AGBL4: variants seen among roughly 807,000 people sequenced by gnomAD.
AGBL4 encodes AGBL carboxypeptidase 4.
In AGBL4, 58 loss-of-function variants were observed where a neutral mutation model predicts 66.4. The observed-to-expected ratio is 0.87, with a 90% confidence interval of 0.71 to 1.09. The LOEUF (loss-of-function observed/expected upper bound fraction) is 1.09. AGBL4 is among the 50% of genes least tolerant of loss of function. The pLI, the probability that AGBL4 is intolerant of heterozygous loss-of-function variation, is 0.00. For synonymous variants in AGBL4, 234 were observed against 222.9 expected (o/e 1.05, Z -0.44); for missense variants, 579 against 631.0 (o/e 0.92, Z 0.88).
intron 3 of AGBL4, among the ~76,000 whole-genome samples, chr1:49,317,780 C>A (rs1357675843): frequency 1.3e-5 from 2 of 151,976 alleles, no homozygotes; most frequent in Non-Finnish European, 2.9e-5. Flanking sequence ...AATCTAACAT[C>A]TTTAATACAG....
At chr1:48,605,658 T>A (rs745980381) in intron 9 of AGBL4, among the ~76,000 whole-genome samples, 4 of 152,222 alleles carry the variant, frequency 2.6e-5, no homozygotes, top group Non-Finnish European at 5.9e-5. Context: ...TTTTAATAGG[T>A]CCAACATCTA....
At chr1:49,937,167 A>G (rs952272926) in intron 1 of AGBL4, among the ~76,000 whole-genome samples, 3 of 152,152 alleles carry the variant, frequency 2.0e-5, no homozygotes, top group African/African-American at 7.2e-5. Flanking sequence ...AATGGAAAAC[A>G]AAAAAAGGCA....
intron 6 of AGBL4, among the ~76,000 whole-genome samples, chr1:48,690,468 AG>A (rs1357165574): frequency 6.6e-6 from 1 of 152,186 alleles, no homozygotes; most frequent in Non-Finnish European, 1.5e-5. Context: ...TGTCAGAGAA[AG>A]AAGGACCACT....
At chr1:49,597,621 T>G (rs1644875834) in intron 3 of AGBL4, among the ~76,000 whole-genome samples, 1 of 152,154 alleles carries the variant, frequency 6.6e-6, no homozygotes. Context: ...GCCAGCCCCC[T>G]CTCTCTGGAA....
chr1:48,865,574 G>T (rs1331490141), intron 6 of AGBL4, among the ~76,000 whole-genome samples: 1 of 151,964 alleles, frequency 6.6e-6, no homozygotes, highest in African/African-American at 2.4e-5. Flanking sequence ...CAATCCCAAA[G>T]CTGTCTAAAT....
intron 3 of AGBL4, among the ~76,000 whole-genome samples, chr1:49,553,469 G>A (rs932306090): frequency 6.6e-6 from 1 of 152,066 alleles, no homozygotes; most frequent in African/African-American, 2.4e-5. Flanking sequence ...AAGTTTCTAG[G>A]GTAGTCTATA....
chr1:49,363,865 C>T (rs77915342), intron 3 of AGBL4, among the ~76,000 whole-genome samples: 4,384 of 152,296 alleles, frequency 0.029, 78 homozygotes, highest in Middle Eastern at 0.085. Context: ...AGACATGATC[C>T]TTGCCCTCAA....
chr1:49,974,686 T>C (rs1299069217), intron 1 of AGBL4, among the ~76,000 whole-genome samples: 1 of 152,162 alleles, frequency 6.6e-6, no homozygotes, highest in African/African-American at 2.4e-5. Flanking sequence ...ATGACCCTAA[T>C]AGGATATCTC....
At chr1:48,629,369 G>A (rs890580377) in intron 9 of AGBL4, among the ~76,000 whole-genome samples, 14 of 152,114 alleles carry the variant, frequency 9.2e-5, no homozygotes, top group African/African-American at 2.9e-4. Context: ...GTAAGCTCTC[G>A]CCTGAAAGGT....
At chr1:50,011,773 C>G (rs971829690) in intron 1 of AGBL4, among the ~76,000 whole-genome samples, 2 of 152,166 alleles carry the variant, frequency 1.3e-5, no homozygotes, top group Non-Finnish European at 2.9e-5. Flanking sequence ...GTGAAATAAA[C>G]CAGGCACAGA....
intron 3 of AGBL4, among the ~76,000 whole-genome samples, chr1:49,382,505 G>C (rs1346606873): frequency 1.3e-5 from 2 of 151,976 alleles, no homozygotes; most frequent in Non-Finnish European, 2.9e-5. Context: ...GGAATAGAAG[G>C]AAGTTACCTC....
At chr1:49,849,078 C>T (rs1282227628) in intron 2 of AGBL4, among the ~76,000 whole-genome samples, 1 of 152,122 alleles carries the variant, frequency 6.6e-6, no homozygotes, top group Non-Finnish European at 1.5e-5. Context: ...AGCATAAACA[C>T]CTAATAAATA....
chr1:48,650,923 C>G (rs1229851538), intron 8 of AGBL4, among the ~76,000 whole-genome samples: 1 of 152,228 alleles, frequency 6.6e-6, no homozygotes, highest in East Asian at 1.9e-4. Context: ...TATTTGAACT[C>G]TGAATATTTC....
chr1:48,675,287 A>T (rs1197115459), intron 6 of AGBL4, among the ~76,000 whole-genome samples: 1 of 151,764 alleles, frequency 6.6e-6, no homozygotes, highest in Non-Finnish European at 1.5e-5. Context: ...CCCTCCCTAG[A>T]CCCCCTTGAC....
chr1:49,165,488 G>A (rs956519637), intron 4 of AGBL4, among the ~76,000 whole-genome samples: 5 of 152,118 alleles, frequency 3.3e-5, no homozygotes, highest in Admixed American at 2.6e-4. Context: ...TCAACTTTGG[G>A]AAGCTGTTGT....
rs141472064 is a variant in AGBL4 at position 48,836,475 on chromosome 1, C to T, written c.634+30716G>A. 7.4e-3 allele frequency among the ~76,000 whole-genome samples: 1,131 copies of T among 152,082 alleles called. 11 individuals carry two copies. The highest frequency in any genetic ancestry group is 0.029 in the South Asian group (140 of 4,810). On this transcript the variant is annotated intron_variant, in intron 6 of 13. Transcript: ENST00000371839. ...AAAACATACTTGCGGGAATGATACTCATGCCAGTAGCTTGATGATAAATAG... is the reference window on the plus strand; with the variant it reads ...AAAACATACTTGCGGGAATGATACTTATGCCAGTAGCTTGATGATAAATAG...
At chr1:49,502,667 G>A (rs1359838986) in intron 3 of AGBL4, among the ~76,000 whole-genome samples, 1 of 152,020 alleles carries the variant, frequency 6.6e-6, no homozygotes, top group Non-Finnish European at 1.5e-5. Flanking sequence ...AGACTGATGT[G>A]GATTCAGGTG....
In AGBL4 at chr1:49,577,002, A is replaced by G. The variant is rs147177099; in HGVS notation, c.282+120311T>C. On this transcript the variant is annotated intron_variant, in intron 3 of 13. Coordinates refer to ENST00000371839, the MANE Select transcript of AGBL4 (RefSeq NM_032785.4). ...TAGTGCACTTTTCATGGAAGGAGAA[A>G]TGGTCAGATGTGTGATTATATACTG... Among the ~76,000 whole-genome samples the G allele has an allele frequency of 3.3e-5, 5 of 152,328 alleles. No homozygotes were observed. In the East Asian group the frequency reaches 9.7e-4, roughly 29 times the overall value.
At chr1:48,987,338 T>A (rs1319073136) in intron 5 of AGBL4, among the ~76,000 whole-genome samples, 1 of 152,044 alleles carries the variant, frequency 6.6e-6, no homozygotes. Context: ...AGGTATACCA[T>A]ATTAACACTA....
Sources: gnomAD v4.1 joint callset for allele counts (sites outside exome capture counted in the v4.1 genomes callset) on GRCh38, gnomAD v4.1.1 for gene constraint, MANE v1.5 for transcripts, NCBI Gene and HGNC (gene_info 2026-07-23, HGNC 2026-07-21) for gene names.